The following XKR9 variants were observed in gnomAD, a reference collection of about 807,000 sequenced individuals.
XKR9 encodes the protein XK related 9.
XKR9 carries 32 observed loss-of-function variants against 32.0 expected under a neutral mutation model. That is an observed-to-expected ratio of 1.00 (90% CI 0.76 to 1.34). The LOEUF is 1.34. Ranked by LOEUF, XKR9 falls within the 40% of genes most tolerant of loss-of-function variation. The pLI is 0.00. For synonymous variants in XKR9, 168 were observed against 143.4 expected, an observed-to-expected ratio of 1.17 and a Z score of -1.22; for missense variants, 546 against 429.7, an observed-to-expected ratio of 1.27 and a Z score of -2.39.
chr8:70,736,720 AG>A (rs1456004916), downstream of XKR9, among the ~76,000 whole-genome samples: 1 of 152,078 alleles, frequency 6.6e-6, no homozygotes. Context: ...TTTATTAAAT[AG>A]GGAATCCTTT....
the XKR9 span, among the ~76,000 whole-genome samples, chr8:70,837,176 A>G: frequency 6.6e-6 from 1 of 152,156 alleles, no homozygotes; most frequent in East Asian, 1.9e-4. Flanking sequence ...TTCATTACAT[A>G]CATGTCTGTT....
the XKR9 span, among the ~76,000 whole-genome samples, chr8:70,823,997 G>T: frequency 6.6e-6 from 1 of 152,166 alleles, no homozygotes; most frequent in Non-Finnish European, 1.5e-5. Context: ...TGTTGGGGTT[G>T]TGAATCACTG....
chr8:70,743,053 C>G (rs1018502248), intron 2 of XKR9, among the ~76,000 whole-genome samples: 2 of 151,966 alleles, frequency 1.3e-5, no homozygotes, highest in Non-Finnish European at 2.9e-5. Context: ...ATGTGTTAGA[C>G]CTATTGATAT....
At chr8:70,977,442 G>A in the XKR9 span, among the ~76,000 whole-genome samples, 46 of 152,262 alleles carry the variant, frequency 3.0e-4, no homozygotes, top group Non-Finnish European at 2.5e-4. Flanking sequence ...ATTATGGTAC[G>A]TTGTGTCTTT....
downstream of XKR9, among the ~76,000 whole-genome samples, chr8:70,739,109 G>C (rs4612371): frequency 0.53 from 80,281 of 151,036 alleles, 22,326 homozygotes; most frequent in Middle Eastern, 0.62. Context: ...ATCTAAGTCT[G>C]TTTGTAGGTC....
chr8:70,783,251 C>T lies in XKR9; in HGVS notation n.353-6088C>T, dbSNP rs143417131. 8.0e-3 allele frequency among the ~76,000 whole-genome samples: 1,188 copies of T among 149,326 alleles called. 20 individuals are homozygous for T. Among genetic ancestry groups the T allele is most frequent in the African/African-American group, 0.028 (1,138 of 40,392 alleles). On this transcript the variant is annotated intron_variant and non_coding_transcript_variant, in intron 2 of 3. Coordinates refer to the XKR9 transcript ENST00000520273. The stretch of plus-strand genomic sequence containing the variant: ...CTTTTTTTTTTTTTTCTTTTTAAGA[C>T]GGAGTCTGACTCTCGCCCAGGCTGG...
the XKR9 span, among the ~76,000 whole-genome samples, chr8:70,891,774 T>A: frequency 6.6e-6 from 1 of 152,096 alleles, no homozygotes; most frequent in Non-Finnish European, 1.5e-5. Flanking sequence ...ATTAGGTCCA[T>A]TTGGTCTAAA....
At chr8:70,901,901 T>G in the XKR9 span, among the ~76,000 whole-genome samples, 1 of 152,330 alleles carries the variant, frequency 6.6e-6, no homozygotes, top group East Asian at 1.9e-4. Flanking sequence ...CCCAGCACCA[T>G]TTATTAAATA....
chr8:70,932,170 A>T, the XKR9 span, among the ~76,000 whole-genome samples: 1 of 151,726 alleles, frequency 6.6e-6, no homozygotes, highest in African/African-American at 2.4e-5. Flanking sequence ...TTATATTGTT[A>T]TTATTAATTA....
chr8:70,800,555 G>A, the XKR9 span, among the ~76,000 whole-genome samples: 1 of 152,126 alleles, frequency 6.6e-6, no homozygotes, highest in Non-Finnish European at 1.5e-5. Flanking sequence ...GGGCGATTGT[G>A]GCTTACTGAA....
intron 2 of XKR9, among the ~76,000 whole-genome samples, chr8:70,746,272 A>G (rs1049218363): frequency 6.7e-6 from 1 of 149,392 alleles, no homozygotes; most frequent in South Asian, 2.1e-4. Flanking sequence ...TATGCTTCTC[A>G]TAGACTAGTG....
At chr8:70,985,429 G>A in the XKR9 span, among the ~76,000 whole-genome samples, 1 of 152,162 alleles carries the variant, frequency 6.6e-6, no homozygotes, top group Non-Finnish European at 1.5e-5. Context: ...ATTTGGGTTG[G>A]TTCCAATCTT....
In XKR9 at chr8:70,779,795, G is replaced by A. The variant is rs183412350; in HGVS notation, n.353-9544G>A. Among the ~76,000 whole-genome samples, 895 of 152,222 alleles carry A rather than the reference G, an allele frequency of 5.9e-3. 12 individuals are homozygous for A. Among genetic ancestry groups the A allele is most frequent in the African/African-American group, 0.021 (854 of 41,530 alleles). On this transcript the variant is annotated intron_variant and non_coding_transcript_variant, in intron 2 of 3. Transcript: ENST00000520273. ...AGTTTGTATTTCTGTGGGATTGGTG[G>A]TGATATCTCCTTAATCACTTTTATT...
chr8:70,870,500 GT>G, the XKR9 span, among the ~76,000 whole-genome samples: 1 of 152,164 alleles, frequency 6.6e-6, no homozygotes, highest in East Asian at 1.9e-4. Context: ...GCTTCTTGTT[GT>G]TGTGGTTTGG....
chr8:70,757,151 A>G (rs779822341), intron 2 of XKR9, among the ~76,000 whole-genome samples: 1 of 151,296 alleles, frequency 6.6e-6, no homozygotes, highest in Non-Finnish European at 1.5e-5. Context: ...ACATTATTTG[A>G]GTTTTGGATG....
At chr8:70,989,124 A>T in the XKR9 span, among the ~76,000 whole-genome samples, 377 of 152,314 alleles carry the variant, frequency 2.5e-3, no homozygotes, top group Middle Eastern at 0.01. Flanking sequence ...CAATGGATGA[A>T]CATATAATTG....
chr8:70,686,403 G>A (rs1003194369), intron 3 of XKR9, among the ~76,000 whole-genome samples: 5 of 118,322 alleles, frequency 4.2e-5, no homozygotes, highest in Non-Finnish European at 9.2e-5. Flanking sequence ...CCACCACACC[G>A]AGATAGCTAA....
chr8:70,883,206 C>T, the XKR9 span, among the ~76,000 whole-genome samples: 24 of 151,990 alleles, frequency 1.6e-4, 2 homozygotes, highest in South Asian at 5.0e-3. Flanking sequence ...CTTAGGCTCC[C>T]ACTTATAAGT....
At chr8:70,698,703 G>A (rs1318531967) in intron 3 of XKR9, among the ~76,000 whole-genome samples, 14 of 152,158 alleles carry the variant, frequency 9.2e-5, no homozygotes, top group Middle Eastern at 3.4e-3. Flanking sequence ...TATTAGGTCC[G>A]CTTGGTGCAG....
Sources: gnomAD v4.1 joint callset for allele counts (sites outside exome capture counted in the v4.1 genomes callset) on GRCh38, gnomAD v4.1.1 for gene constraint, MANE v1.5 for transcripts, NCBI Gene and HGNC (gene_info 2026-07-23, HGNC 2026-07-21) for gene names.